FRMD5: variants seen among roughly 807,000 people sequenced by gnomAD.
FRMD5 encodes FERM domain-containing protein 5.
FRMD5 carries 20 observed loss-of-function variants against 69.0 expected under a neutral mutation model. The ratio of observed to expected loss-of-function variants is 0.29; its 90% CI spans 0.20 to 0.42. The LOEUF (loss-of-function observed/expected upper bound fraction) is 0.42, where lower values mean the gene tolerates loss of function less well. Ranked by LOEUF, FRMD5 falls within the 10% of genes least tolerant of loss-of-function variation. FRMD5 has a pLI of 1.00. For synonymous variants in FRMD5, 271 were observed against 260.1 expected (o/e 1.04, Z -0.40); for missense variants, 595 against 708.6 (o/e 0.84, Z 1.82).
At chr15:44,041,130 A>G (rs1892171919) in intron 1 of FRMD5, among the ~76,000 whole-genome samples, 1 of 152,076 alleles carries the variant, frequency 6.6e-6, no homozygotes, top group Admixed American at 6.6e-5. Flanking sequence ...AAAGGGATCA[A>G]TGCAACAAGA....
At chr15:43,952,754 T>A (rs952995358) in intron 1 of FRMD5, among the ~76,000 whole-genome samples, 1 of 152,250 alleles carries the variant, frequency 6.6e-6, no homozygotes, top group African/African-American at 2.4e-5. Flanking sequence ...ACGCAGCTTT[T>A]GTCAGAGGCT....
upstream of FRMD5, among the ~76,000 whole-genome samples, chr15:44,198,246 C>CTA (rs1178402695): frequency 2.7e-5 from 4 of 150,890 alleles, no homozygotes; most frequent in Middle Eastern, 3.5e-3. Context: ...ATTGCTTGAG[C>CTA]CTAGGGGGAG....
At chr15:44,157,846 TAAAAA>T (rs1007077136) in intron 1 of FRMD5, among the ~76,000 whole-genome samples, 1 of 151,050 alleles carries the variant, frequency 6.6e-6, no homozygotes, top group Admixed American at 6.6e-5. Context: ...ATTTCAAACT[TAAAAA>T]AAAAGAAACT....
chr15:43,990,880 G>A (rs979948458), intron 1 of FRMD5, among the ~76,000 whole-genome samples: 8 of 152,150 alleles, frequency 5.3e-5, no homozygotes, highest in African/African-American at 9.7e-5. Context: ...AAGGGATACC[G>A]ACTAGTCATT....
intron 1 of FRMD5, among the ~76,000 whole-genome samples, chr15:44,082,358 C>T (rs1383816593): frequency 6.6e-6 from 1 of 151,930 alleles, no homozygotes; most frequent in Non-Finnish European, 1.5e-5. Flanking sequence ...AGATACTCTC[C>T]ACCCCATATA....
At chr15:44,130,085 T>G (rs926466779) in intron 1 of FRMD5, among the ~76,000 whole-genome samples, 1 of 152,180 alleles carries the variant, frequency 6.6e-6, no homozygotes, top group African/African-American at 2.4e-5. Context: ...GTGATTCCTG[T>G]GGTCAATGGC....
chr15:44,111,083 A>G (rs2076788965), intron 1 of FRMD5, among the ~76,000 whole-genome samples: 1 of 152,208 alleles, frequency 6.6e-6, no homozygotes, highest in South Asian at 2.1e-4. Flanking sequence ...TGCTGTAAAT[A>G]TGACGTTCTC....
At position 44,166,340 on chromosome 15, in the gene FRMD5, G is replaced by A. The variant is rs2077708528; in HGVS notation, c.102+28613C>T. Among the ~76,000 whole-genome samples, 3 of 152,102 alleles carry A rather than the reference G, an allele frequency of 2.0e-5. 1 individual carries two copies. The highest frequency in any genetic ancestry group is 4.1e-4 in the South Asian group (2 of 4,828). On this transcript the variant is annotated intron_variant, in intron 1 of 13. Transcript: ENST00000417257. ...TATTATTAAGGATAGTAACCCTTTG[G>A]CATATTGGCTGCAAATTTTTCTCCT...
intron 1 of FRMD5, among the ~76,000 whole-genome samples, chr15:43,975,482 A>G (rs1449214661): frequency 1.3e-5 from 2 of 152,220 alleles, no homozygotes; most frequent in East Asian, 1.9e-4. Flanking sequence ...AAGGGCCAAT[A>G]AACACTTGAA....
At chr15:44,176,442 A>T (rs1213146488) in intron 1 of FRMD5, among the ~76,000 whole-genome samples, 2 of 152,174 alleles carry the variant, frequency 1.3e-5, no homozygotes, top group Non-Finnish European at 2.9e-5. Flanking sequence ...AAGAAAATAC[A>T]GGTATAAACC....
At chr15:44,106,499 A>G (rs939165361) in intron 1 of FRMD5, among the ~76,000 whole-genome samples, 2 of 152,066 alleles carry the variant, frequency 1.3e-5, no homozygotes, top group Admixed American at 6.5e-5. Context: ...CTTCGTCTAG[A>G]AGGCCTCCTA....
chr15:43,872,950 C>T lies in FRMD5; in HGVS notation c.*935G>A. ...ATAAGCACTGCTATCCAAATCTCAA[C>T]AGTCTCTCAGGTAACTTAACTCTGC... On this transcript the variant is annotated 3_prime_UTR_variant, in exon 14 of 14. Transcript: ENST00000417257. The T allele has an allele frequency of 2.0e-6, 1 of 511,350 alleles. No homozygotes were observed. The highest frequency in any genetic ancestry group is 3.4e-5 in the South Asian group (1 of 29,018). The allele number at this position is 511,350 out of a possible 1,614,324, so 31.7% of individuals were successfully genotyped here.
intron 1 of FRMD5, among the ~76,000 whole-genome samples, chr15:44,042,981 T>C (rs1019918693): frequency 6.6e-6 from 1 of 152,214 alleles, no homozygotes; most frequent in Non-Finnish European, 1.5e-5. Flanking sequence ...AAAGAGGAAG[T>C]CAAATTGTCC....
In FRMD5 at chr15:44,150,772, C is replaced by G. The variant is rs148935571; in HGVS notation, c.102+44181G>C. Among the ~76,000 whole-genome samples the G allele has an allele frequency of 4.0e-5, 6 of 151,564 alleles. No individual in the cohort carries two copies. In the East Asian group the frequency reaches 1.2e-3, roughly 29 times the overall value. Reference sequence around the variant, plus strand: ...CACCACTGTACTTTAGCCTGGGCAACAGAGCAGACCCTGTCTCAGAAAATA... The same window carrying G: ...CACCACTGTACTTTAGCCTGGGCAAGAGAGCAGACCCTGTCTCAGAAAATA... On this transcript the variant is annotated intron_variant, in intron 1 of 13. Coordinates refer to ENST00000417257, the MANE Select transcript of FRMD5 (RefSeq NM_032892.5).
intron 13 of FRMD5, chr15:43,879,760 A>G (rs1215752291): frequency 5.0e-6 from 2 of 398,226 alleles, no homozygotes; most frequent in Middle Eastern, 6.3e-4. Flanking sequence ...CAGAGAGGCA[A>G]AGATGGAAAG....
chr15:43,915,008 T>C (rs904124567), intron 4 of FRMD5, among the ~76,000 whole-genome samples: 1 of 152,192 alleles, frequency 6.6e-6, no homozygotes, highest in Admixed American at 6.5e-5. Context: ...ATTACAGGCG[T>C]GAGCCACTGC....
intron 13 of FRMD5, among the ~76,000 whole-genome samples, chr15:43,879,997 C>CT (rs2088479572): frequency 6.6e-6 from 1 of 152,184 alleles, no homozygotes; most frequent in Non-Finnish European, 1.5e-5. Context: ...TCCCTGAGGC[C>CT]TGGATAAGGG....
At chr15:43,935,042 G>T (rs547178531) in intron 1 of FRMD5, among the ~76,000 whole-genome samples, 2 of 152,356 alleles carry the variant, frequency 1.3e-5, no homozygotes, top group African/African-American at 4.8e-5. Context: ...CAGAGGCAGA[G>T]CCTCTGAAAC....
intron 1 of FRMD5, among the ~76,000 whole-genome samples, chr15:44,102,963 A>G (rs974929864): frequency 6.6e-5 from 10 of 152,228 alleles, no homozygotes; most frequent in African/African-American, 2.4e-4. Flanking sequence ...CAGCTTTGGA[A>G]CAAAAGCCTT....
Sources: gnomAD v4.1 joint callset for allele counts (sites outside exome capture counted in the v4.1 genomes callset) on GRCh38, gnomAD v4.1.1 for gene constraint, MANE v1.5 for transcripts, NCBI Gene and HGNC (gene_info 2026-07-23, HGNC 2026-07-21) for gene names.